Variants in GPD1L observed in about 807,000 individuals in gnomAD.
The protein encoded by GPD1L is glycerol-3-phosphate dehydrogenase 1-like protein.
A neutral mutation model predicts 32.9 loss-of-function variants in GPD1L; 17 were observed. The observed-to-expected ratio is 0.52, with a 90% CI of 0.35 to 0.78. The LOEUF is 0.78. GPD1L is among the 30% of genes least tolerant of loss of function. The probability of loss-of-function intolerance (pLI) is 0.01; values close to 1 mark genes in which losing one functional copy is unlikely to be tolerated. For missense variants in GPD1L, 361 were observed against 447.8 expected, an observed-to-expected ratio of 0.81 and a Z score of 1.75; for synonymous variants, 187 against 165.9, an observed-to-expected ratio of 1.13 and a Z score of -0.98.
rs1701156419 is a variant in GPD1L at position 32,166,990 on chromosome 3, G to C, written c.*1080G>C. On this transcript the variant is annotated 3_prime_UTR_variant, in exon 8 of 8. Transcript: ENST00000282541. ...TGCAGCAGCATCAGCTTCACTTGTG[G>C]GGGGGTGGGGGAAGGGGCGGTCTCA... The C allele has an allele frequency of 1.3e-5, 2 of 152,264 alleles. No homozygotes were observed. Among genetic ancestry groups the C allele is most frequent in the South Asian group, 2.1e-4 (1 of 4,832 alleles). 9.4% of individuals were successfully genotyped at this position (152,264 alleles called of 1,614,324 possible).
chr3:32,130,761 C>T (rs2125480357), intron 2 of GPD1L, among the ~76,000 whole-genome samples: 1 of 150,540 alleles, frequency 6.6e-6, no homozygotes, highest in South Asian at 2.1e-4. Flanking sequence ...GCCTGTAATC[C>T]CAGCACTTTG....
intron 7 of GPD1L, among the ~76,000 whole-genome samples, chr3:32,161,667 A>C (rs1013385740): frequency 1.3e-5 from 2 of 152,148 alleles, no homozygotes; most frequent in Non-Finnish European, 2.9e-5. Flanking sequence ...ATGGACTAGA[A>C]TTGCGATTCT....
At chr3:32,141,013 T>C (rs1700735037) in intron 4 of GPD1L, among the ~76,000 whole-genome samples, 1 of 152,246 alleles carries the variant, frequency 6.6e-6, no homozygotes, top group Admixed American at 6.5e-5. Flanking sequence ...GTCCGTGTAC[T>C]ATATTAAACG....
At chr3:32,132,539 TCA>T (rs1229961578) in intron 2 of GPD1L, among the ~76,000 whole-genome samples, 1 of 152,254 alleles carries the variant, frequency 6.6e-6, no homozygotes. Flanking sequence ...GTGCGAAGCC[TCA>T]GTGTTACTCC....
intron 1 of GPD1L, among the ~76,000 whole-genome samples, chr3:32,123,935 C>T (rs72850636): frequency 0.047 from 7,118 of 152,188 alleles, 411 homozygotes; most frequent in East Asian, 0.14. Flanking sequence ...CCGCAGGTCC[C>T]CAACTATGAC....
chr3:32,166,211 G>A lies in GPD1L; in HGVS notation c.*301G>A, dbSNP rs142628737. 7.6e-5 allele frequency: 32 copies of A among 421,034 alleles called. No individual in the cohort carries two copies. The Admixed American group carries it at 8.8e-4, about 12-fold the overall frequency. The allele number at this position is 421,034 out of a possible 1,614,324, so 26.1% of individuals were successfully genotyped here. A position where few individuals can be genotyped will look rare whatever the true frequency, so the allele number is the denominator to read the frequency against. On this transcript the variant is annotated 3_prime_UTR_variant, in exon 8 of 8. Coordinates refer to ENST00000282541, the MANE Select transcript of GPD1L (RefSeq NM_015141.4). The stretch of plus-strand genomic sequence containing the variant: ...TTGCTTATGAAATTTCCACACAATC[G>A]TAGCTTATAAGATTGGAACGATCTC...
intron 2 of GPD1L, among the ~76,000 whole-genome samples, chr3:32,131,709 T>G (rs1700589604): frequency 6.6e-6 from 1 of 152,256 alleles, no homozygotes; most frequent in Admixed American, 6.5e-5. Flanking sequence ...AATACCTTTA[T>G]GTACAATGTG....
intron 5 of GPD1L, among the ~76,000 whole-genome samples, chr3:32,153,718 G>A (rs1700951334): frequency 6.6e-6 from 1 of 152,224 alleles, no homozygotes; most frequent in Admixed American, 6.5e-5. Flanking sequence ...CTTGGGTTTT[G>A]GGGAGGCAGT....
intron 4 of GPD1L, among the ~76,000 whole-genome samples, chr3:32,141,211 A>G (rs1700737683): frequency 6.6e-6 from 1 of 152,184 alleles, no homozygotes; most frequent in African/African-American, 2.4e-5. Context: ...GCGCAGGAAA[A>G]TGTAGCTCCA....
intron 5 of GPD1L, 127 bp from the exon 6 acceptor site, chr3:32,158,749 T>C: frequency 6.5e-7 from 1 of 1,535,360 alleles, no homozygotes; most frequent in Non-Finnish European, 8.7e-7. Context: ...GAGCCCGGCA[T>C]TGAGTATTTT....
intron 1 of GPD1L, among the ~76,000 whole-genome samples, chr3:32,114,053 C>G (rs900923584): frequency 6.6e-6 from 1 of 152,202 alleles, no homozygotes; most frequent in Non-Finnish European, 1.5e-5. Flanking sequence ...TGGGGTCTCA[C>G]TATGTTGCCC....
At chr3:32,144,345 ACT>A (rs144400750) in intron 4 of GPD1L, among the ~76,000 whole-genome samples, 217 of 152,126 alleles carry the variant, frequency 1.4e-3, no homozygotes, top group African/African-American at 5.0e-3. Flanking sequence ...CATACCACAG[ACT>A]CTGAGGCTTT....
chr3:32,133,266 T>A (rs1388450931), intron 2 of GPD1L, among the ~76,000 whole-genome samples: 2 of 152,162 alleles, frequency 1.3e-5, no homozygotes, highest in Non-Finnish European at 1.5e-5. Context: ...GAAGTAGACA[T>A]AACTAGTGGC....
In GPD1L at chr3:32,106,798, G is replaced by A; in HGVS notation, c.47+40G>A. 6.5e-7 allele frequency: 1 copy of A among 1,540,518 alleles called. No individual in the cohort carries two copies. Among genetic ancestry groups the A allele is most frequent in the Non-Finnish European group, 8.7e-7 (1 of 1,143,426 alleles). On this transcript the variant is annotated intron_variant, in intron 1 of 7. Transcript: ENST00000282541. This position sits in a 1 kb window ranked among gnomAD's most constrained non-coding sequence, Gnocchi z 4.0. ...GCTGGAGGCCGGGGCTCCGCTTCCA[G>A]GAAGCGCCTCTCCCGGGCGGTGAGG...
At chr3:32,152,516 G>A (rs1473142790) in intron 5 of GPD1L, among the ~76,000 whole-genome samples, 2 of 152,148 alleles carry the variant, frequency 1.3e-5, no homozygotes, top group Non-Finnish European at 2.9e-5. Flanking sequence ...GAATGCTGCC[G>A]GAGGGGAGGA....
intron 1 of GPD1L, among the ~76,000 whole-genome samples, chr3:32,121,358 T>C (rs1448441662): frequency 6.6e-6 from 1 of 151,526 alleles, no homozygotes; most frequent in Non-Finnish European, 1.5e-5. Flanking sequence ...CCAGGGGCCT[T>C]ACTGCTGCCG....
At chr3:32,153,418 CG>C (rs1700946450) in intron 5 of GPD1L, among the ~76,000 whole-genome samples, 1 of 152,200 alleles carries the variant, frequency 6.6e-6, no homozygotes, top group African/African-American at 2.4e-5. Flanking sequence ...CTACTGTATT[CG>C]ATAGAGCAAA....
chr3:32,143,752 C>T (rs1055411538), intron 4 of GPD1L, among the ~76,000 whole-genome samples: 1 of 151,462 alleles, frequency 6.6e-6, no homozygotes, highest in Non-Finnish European at 1.5e-5. Flanking sequence ...CTGAGGCGGG[C>T]GGATCACCTG....
chr3:32,145,873 A>G (rs1700812903), intron 4 of GPD1L, among the ~76,000 whole-genome samples: 1 of 152,190 alleles, frequency 6.6e-6, no homozygotes, highest in Non-Finnish European at 1.5e-5. Flanking sequence ...TATTGGGTGT[A>G]GATATTGTGT....
Sources: gnomAD v4.1 joint callset for allele counts (sites outside exome capture counted in the v4.1 genomes callset) on GRCh38, gnomAD v4.1.1 for gene constraint, Gnocchi (gnomAD v3.1) non-coding constraint, MANE v1.5 for transcripts, NCBI Gene and HGNC (gene_info 2026-07-23, HGNC 2026-07-21) for gene names.